NDUFS2: variants seen among roughly 807,000 people sequenced by gnomAD.
NDUFS2 encodes NADH dehydrogenase [ubiquinone] iron-sulfur protein 2, mitochondrial.
NDUFS2 carries 38 observed loss-of-function variants against 69.6 expected under a neutral mutation model. That is an observed-to-expected ratio of 0.55 (90% confidence interval 0.42 to 0.72). The LOEUF (loss-of-function observed/expected upper bound fraction) is 0.72. Ranked by LOEUF, NDUFS2 falls within the 30% of genes least tolerant of loss-of-function variation. The pLI, the probability that NDUFS2 is intolerant of heterozygous loss-of-function variation, is 0.00. For synonymous variants in NDUFS2, 194 were observed against 211.2 expected (o/e 0.92, Z 0.70); for missense variants, 468 against 595.0 (o/e 0.79, Z 2.22).
Position 161,210,115 on chromosome 1 carries a change from T to C in NDUFS2, c.707T>C (p.Leu236Pro). The change falls in exon 7 of 14, where the codon CTA becomes CCA. Residue 236 changes from leucine (L) to proline (P), a missense_variant. Coordinates refer to ENST00000676972, the MANE Select transcript of NDUFS2 (RefSeq NM_001377299.1). ...YIRPGGVHQD[L>P]PLGLMDDIYQ... The stretch of plus-strand genomic sequence containing the variant: ...GCACTTCCGTTTGGCTTCTAGGACC[T>C]ACCCCTTGGGCTTATGGATGACATT... 1 of 1,614,166 alleles carries C rather than the reference T, an allele frequency of 6.2e-7. No homozygotes were observed. The highest frequency in any genetic ancestry group is 1.3e-5 in the African/African-American group (1 of 75,046).
chr1:161,199,196 G>C (rs1056303782), upstream of NDUFS2: 7 of 152,466 alleles, frequency 4.6e-5, no homozygotes, highest in African/African-American at 1.7e-4. Context: ...ACTTGCCCAG[G>C]GGAGGGGAAT....
At chr1:161,204,223 C>A (rs1247820432) in intron 2 of NDUFS2, among the ~76,000 whole-genome samples, 1 of 152,180 alleles carries the variant, frequency 6.6e-6, no homozygotes, top group Admixed American at 6.6e-5. Context: ...TGAATACAAA[C>A]CATTTTTTTT....
upstream of NDUFS2, chr1:161,198,702 C>G: frequency 7.4e-7 from 1 of 1,358,678 alleles, no homozygotes; most frequent in South Asian, 1.5e-5. The surrounding 1 kb of genome is among the most constrained non-coding windows in gnomAD (Gnocchi z 4.7). Flanking sequence ...CTTTGGAAAG[C>G]TCCTCTCTGT....
rs762870211 is a variant in NDUFS2, at chr1:161,209,961, C to G, written c.702+30C>G. The G allele has an allele frequency of 7.1e-5, 115 of 1,612,966 alleles. No individual in the cohort carries two copies. In the East Asian group the frequency reaches 1.8e-3, roughly 25 times the overall value. Reference sequence around the variant, plus strand: ...GCAGGTCCCCGGCTTCCCCAAATGTCCAGCCCAGGCCTATTTTCCCTGTGG... The same window carrying G: ...GCAGGTCCCCGGCTTCCCCAAATGTGCAGCCCAGGCCTATTTTCCCTGTGG... On this transcript the variant is annotated intron_variant, in intron 6 of 13. Transcript: ENST00000676972.
chr1:161,201,680 G>A (rs1410372874), upstream of NDUFS2, among the ~76,000 whole-genome samples: 3 of 152,154 alleles, frequency 2.0e-5, no homozygotes, highest in Admixed American at 6.5e-5. Flanking sequence ...CTGTAGGTTC[G>A]GGAAGCCTGG....
chr1:161,199,469 T>A (rs1038817201), upstream of NDUFS2: 1 of 151,982 alleles, frequency 6.6e-6, no homozygotes, highest in South Asian at 2.1e-4. Flanking sequence ...TAGTGGCTGG[T>A]TTCCAGGGCT....
upstream of NDUFS2, among the ~76,000 whole-genome samples, chr1:161,200,933 C>T (rs1404595408): frequency 6.6e-6 from 1 of 152,138 alleles, no homozygotes; most frequent in Non-Finnish European, 1.5e-5. Context: ...CTCAGGAGCC[C>T]CCCACCCCAG....
upstream of NDUFS2, among the ~76,000 whole-genome samples, chr1:161,200,928 G>A (rs1344688652): frequency 6.6e-6 from 1 of 152,126 alleles, no homozygotes; most frequent in African/African-American, 2.4e-5. Context: ...AGCCCCTCAG[G>A]AGCCCCCCAC....
chr1:161,210,435 G>T, intron 8 of NDUFS2, 46 bp downstream of exon 8: 1 of 1,601,848 alleles, frequency 6.2e-7, no homozygotes, highest in South Asian at 1.1e-5. Context: ...GGTGGGAGTG[G>T]GGGAGTTCCA....
At chr1:161,213,103 C>T (rs1665863636) in intron 10 of NDUFS2, 1 of 376,490 alleles carries the variant, frequency 2.7e-6, no homozygotes, top group South Asian at 2.2e-5. Flanking sequence ...CGGGGTTTCA[C>T]TCTGTTGGCC....
chr1:161,212,512 G>A (rs1665828702), intron 10 of NDUFS2, 32 bp downstream of exon 10: 1 of 1,606,434 alleles, frequency 6.2e-7, no homozygotes, highest in South Asian at 1.1e-5. Flanking sequence ...AGTGTGGGGT[G>A]TTGGAAAGGG....
intron 3 of NDUFS2, among the ~76,000 whole-genome samples, chr1:161,208,579 C>T (rs528593444): frequency 5.9e-5 from 9 of 152,320 alleles, no homozygotes; most frequent in East Asian, 3.9e-4. Flanking sequence ...GGATTACAGG[C>T]GTGAGCCACG....
chr1:161,210,594 AG>A lies in NDUFS2; in HGVS notation c.871del (p.Val291Ter). The A allele has an allele frequency of 6.2e-7, 1 of 1,614,110 alleles. No individual in the cohort carries two copies. The highest frequency in any genetic ancestry group is 8.5e-7 in the Non-Finnish European group (1 of 1,180,012). On this transcript the variant is annotated frameshift_variant, in exon 9 of 14. Coordinates refer to ENST00000676972, the MANE Select transcript of NDUFS2 (RefSeq NM_001377299.1). LOFTEE classifies it high-confidence loss of function. The stretch of plus-strand genomic sequence containing the variant: ...ATTCCCATTATGCTCTCCACAGTGG[AG>A]TGATGCTTCGGGGCTCAGGCATCCA... ...EEALNYGFSG[V>X]MLRGSGIQWD...
upstream of NDUFS2, chr1:161,202,199 G>A: frequency 4.6e-6 from 3 of 650,010 alleles, no homozygotes; most frequent in East Asian, 5.5e-5. Context: ...GATGACCGCG[G>A]TCACTGTTAT....
intron 2 of NDUFS2, among the ~76,000 whole-genome samples, chr1:161,205,341 AG>A (rs983728493): frequency 4.6e-5 from 7 of 152,136 alleles, no homozygotes; most frequent in Admixed American, 3.3e-4. Flanking sequence ...TCCCTCTCTT[AG>A]GAAGTCCCAA....
Position 161,209,466 on chromosome 1 carries a change from TCTC to T in NDUFS2, c.515-14_515-12del, listed in dbSNP as rs759306934. 2 of 1,613,058 alleles carry T rather than the reference TCTC, an allele frequency of 1.2e-6. No individual in the cohort carries two copies. Among genetic ancestry groups the T allele is most frequent in the Non-Finnish European group, 1.7e-6 (2 of 1,179,320 alleles). ...AGTGCTTGGCTCCTATATCCTGTCTTCTCCTTGTCTTCACAGTGCTGTTTGGAG... is the reference window on the plus strand; with the variant it reads ...AGTGCTTGGCTCCTATATCCTGTCTTCTTGTCTTCACAGTGCTGTTTGGAG... On this transcript the variant is annotated splice_polypyrimidine_tract_variant and intron_variant, in intron 4 of 13. Transcript: ENST00000676972.
chr1:161,198,645 T>G, upstream of NDUFS2: 1 of 1,484,864 alleles, frequency 6.7e-7, no homozygotes, highest in Non-Finnish European at 9.0e-7. This position sits in a 1 kb window ranked among gnomAD's most constrained non-coding sequence, Gnocchi z 4.7. Flanking sequence ...GTACTGCAGC[T>G]GGGAGGGACT....
intron 3 of NDUFS2, 152 bp downstream of exon 3, chr1:161,206,749 T>A: frequency 1.3e-6 from 1 of 780,744 alleles, no homozygotes; most frequent in Non-Finnish European, 2.0e-6. Context: ...TGGAGGGAAG[T>A]GGCAGGGGAT....
upstream of NDUFS2, chr1:161,197,949 A>G (rs769266138): frequency 1.5e-5 from 23 of 1,520,654 alleles, no homozygotes; most frequent in Non-Finnish European, 1.9e-5. Flanking sequence ...AGTAGGACAG[A>G]CATGGCGGGA....
Sources: gnomAD v4.1 joint callset for allele counts (sites outside exome capture counted in the v4.1 genomes callset) on GRCh38, gnomAD v4.1.1 for gene constraint, Gnocchi (gnomAD v3.1) non-coding constraint, MANE v1.5 for transcripts, NCBI Gene and HGNC (gene_info 2026-07-23, HGNC 2026-07-21) for gene names.